DCAF8L2: variants seen among roughly 807,000 people sequenced by gnomAD.
The protein encoded by DCAF8L2 is DDB1- and CUL4-associated factor 8-like protein 2.
For missense variants in DCAF8L2, 430 were observed against 490.7 expected, an observed-to-expected ratio of 0.88 and a Z score of 1.17; for synonymous variants, 200 against 190.9, an observed-to-expected ratio of 1.05 and a Z score of -0.39.
At chrX:27,552,271 T>C in the DCAF8L2 span, among the ~76,000 whole-genome samples, 22 of 111,988 alleles carry the variant, frequency 2.0e-4, no homozygotes, top group African/African-American at 5.5e-4. Context: ...GTTGATTGTT[T>C]CCCTTCTTGT....
At chrX:27,592,532 G>GATCAAGCGA (rs1926158888) in intron 1 of DCAF8L2, among the ~76,000 whole-genome samples, 1 of 109,553 alleles carries the variant, frequency 9.1e-6, no homozygotes, top group Non-Finnish European at 1.9e-5. Flanking sequence ...CGCCTCCTGG[G>GATCAAGCGA]TTCAAGCGAT....
the DCAF8L2 span, among the ~76,000 whole-genome samples, chrX:27,576,953 A>G: frequency 7.6e-4 from 85 of 111,890 alleles, 1 homozygote; most frequent in Non-Finnish European, 1.1e-3. Context: ...TAAGCATATT[A>G]ACAGAGAAAA....
intron 1 of DCAF8L2, among the ~76,000 whole-genome samples, chrX:27,629,156 C>A (rs1257307255): frequency 9.0e-6 from 1 of 111,201 alleles, no homozygotes; most frequent in Non-Finnish European, 1.9e-5. Flanking sequence ...AATTTTTTCC[C>A]ATTCTGTAGA....
chrX:27,505,717 G>A, the DCAF8L2 span, among the ~76,000 whole-genome samples: 3 of 111,219 alleles, frequency 2.7e-5, no homozygotes, highest in Non-Finnish European at 5.7e-5. Context: ...AGTCGATTAG[G>A]TTACAAAAGA....
At chrX:27,611,439 A>G (rs1413343385) in intron 1 of DCAF8L2, among the ~76,000 whole-genome samples, 1 of 109,511 alleles carries the variant, frequency 9.1e-6, no homozygotes, top group Non-Finnish European at 1.9e-5. Flanking sequence ...CAATCTACCC[A>G]TCTGACCCAT....
chrX:27,594,407 A>G (rs1009698253), intron 1 of DCAF8L2, among the ~76,000 whole-genome samples: 30 of 111,218 alleles, frequency 2.7e-4, no homozygotes, highest in Non-Finnish European at 2.3e-4. Flanking sequence ...TTAAATTTTA[A>G]TATGTTCTTT....
the DCAF8L2 span, among the ~76,000 whole-genome samples, chrX:27,537,409 A>G: frequency 1.0e-3 from 113 of 112,723 alleles, no homozygotes; most frequent in African/African-American, 3.0e-3. Flanking sequence ...TAAATATTTA[A>G]TGACGGAATA....
At chrX:27,736,613 C>T (rs767551506) in intron 4 of DCAF8L2, among the ~76,000 whole-genome samples, 5 of 112,223 alleles carry the variant, frequency 4.5e-5, no homozygotes, top group African/African-American at 1.6e-4. Context: ...CTTGCCTTGC[C>T]TGTCTCCAAT....
chrX:27,540,903 A>G, the DCAF8L2 span, among the ~76,000 whole-genome samples: 1 of 111,998 alleles, frequency 8.9e-6, no homozygotes, highest in East Asian at 2.8e-4. Context: ...AATAATACAC[A>G]CACGAAGAAA....
intron 3 of DCAF8L2, among the ~76,000 whole-genome samples, chrX:27,684,240 C>T (rs1490762996): frequency 1.8e-5 from 2 of 111,210 alleles, no homozygotes; most frequent in Non-Finnish European, 3.8e-5. Context: ...AGGATTTGCA[C>T]AGCTGTCATT....
the DCAF8L2 span, among the ~76,000 whole-genome samples, chrX:27,493,483 G>C: frequency 9.1e-6 from 1 of 110,089 alleles, no homozygotes; most frequent in African/African-American, 3.3e-5. Flanking sequence ...GGCCGATACA[G>C]GTGGATCCCC....
At chrX:27,731,442 T>C (rs1921203503) in intron 4 of DCAF8L2, among the ~76,000 whole-genome samples, 1 of 110,800 alleles carries the variant, frequency 9.0e-6, no homozygotes, top group Admixed American at 9.6e-5. Flanking sequence ...AACCCAGACA[T>C]TTACTTCTCA....
chrX:27,506,743 C>T, the DCAF8L2 span, among the ~76,000 whole-genome samples: 78 of 111,389 alleles, frequency 7.0e-4, no homozygotes, highest in African/African-American at 2.4e-3. Flanking sequence ...AGCTGCAGTG[C>T]AGTGGCGCAA....
At chrX:27,614,919 C>G (rs1927384925) in intron 1 of DCAF8L2, among the ~76,000 whole-genome samples, 1 of 111,100 alleles carries the variant, frequency 9.0e-6, no homozygotes, top group South Asian at 3.8e-4. Context: ...AGGAAACGTT[C>G]CATACCCCGA....
the DCAF8L2 span, among the ~76,000 whole-genome samples, chrX:27,527,189 G>A: frequency 8.9e-6 from 1 of 112,171 alleles, no homozygotes; most frequent in African/African-American, 3.2e-5. Flanking sequence ...TGAGCTTCCA[G>A]GCTGCTTTGT....
chrX:27,551,357 C>G, the DCAF8L2 span, among the ~76,000 whole-genome samples: 1 of 110,221 alleles, frequency 9.1e-6, no homozygotes, highest in African/African-American at 3.3e-5. Flanking sequence ...TTATGACTCA[C>G]CAAAGGCTGA....
chrX:27,663,696 T>A (rs1458462920), intron 2 of DCAF8L2, among the ~76,000 whole-genome samples: 2 of 107,976 alleles, frequency 1.9e-5, no homozygotes, highest in Non-Finnish European at 3.8e-5. Flanking sequence ...GCTAATTATA[T>A]TTTATTTATT....
chrX:27,518,440 A>G, the DCAF8L2 span: 1 of 567,240 alleles, frequency 1.8e-6, no homozygotes. Context: ...AACTATTTTG[A>G]AATGAAAAAC....
At chrX:27,684,811 T>C (rs1168742242) in intron 3 of DCAF8L2, among the ~76,000 whole-genome samples, 1 of 111,916 alleles carries the variant, frequency 8.9e-6, no homozygotes, top group African/African-American at 3.2e-5. Flanking sequence ...CATATGATCC[T>C]GCAGACTTGT....
Sources: gnomAD v4.1 joint callset for allele counts (sites outside exome capture counted in the v4.1 genomes callset) on GRCh38, gnomAD v4.1.1 for gene constraint, MANE v1.5 for transcripts, NCBI Gene and HGNC (gene_info 2026-07-23, HGNC 2026-07-21) for gene names.